Variants in KLHL22 observed in about 807,000 individuals in gnomAD.
KLHL22 encodes the protein kelch like family member 22.
In KLHL22, 18 loss-of-function variants were observed where a neutral mutation model predicts 60.7. The ratio of observed to expected loss-of-function variants is 0.30; its 90% CI spans 0.20 to 0.44. The LOEUF is 0.44. KLHL22 is among the 20% of genes least tolerant of loss of function. The pLI is 1.00. For synonymous variants in KLHL22, 355 were observed against 354.5 expected (o/e 1.00, Z -0.01); for missense variants, 596 against 852.3 (o/e 0.70, Z 3.74).
chr22:20,483,253 T>G (rs1337133015), intron 2 of KLHL22: 4 of 697,048 alleles, frequency 5.7e-6, no homozygotes, highest in Non-Finnish European at 1.1e-5. Context: ...CTCAGTGGAC[T>G]GCATGGTGAC....
chr22:20,470,653 A>G (rs955408078), intron 3 of KLHL22, among the ~76,000 whole-genome samples: 1 of 152,030 alleles, frequency 6.6e-6, no homozygotes, highest in African/African-American at 2.4e-5. Flanking sequence ...TGTCTCCAAT[A>G]AATTGAATGA....
chr22:20,488,937 C>A, intron 2 of KLHL22, 48 bp downstream of exon 2: 1 of 1,570,774 alleles, frequency 6.4e-7, no homozygotes, highest in Non-Finnish European at 8.7e-7. Flanking sequence ...CTAGCAGAGC[C>A]AGGATTACCT....
rs550081080 is a variant in KLHL22, at chr22:20,450,084, T to C, written c.1306-3408A>G. ...TGGGATCAGAAGCAGAGTTGCAGAA[T>C]CCAAGGACCTATTTTTGTTCTTTCT... On this transcript the variant is annotated intron_variant, in intron 5 of 6. Transcript: ENST00000328879. 2.3e-4 allele frequency: 173 copies of C among 749,282 alleles called. 4 individuals are homozygous for C. In the South Asian group the frequency reaches 2.4e-3, roughly 10 times the overall value. The allele number at this position is 749,282 out of a possible 1,614,324, so 46.4% of individuals were successfully genotyped here.
intron 2 of KLHL22, among the ~76,000 whole-genome samples, chr22:20,473,663 G>T (rs953631559): frequency 1.3e-5 from 2 of 152,306 alleles, no homozygotes; most frequent in East Asian, 1.9e-4. Context: ...ATCATCTGAG[G>T]TTGGGAGTTC....
At chr22:20,455,517 G>C (rs1442745347) in intron 5 of KLHL22, among the ~76,000 whole-genome samples, 6 of 152,180 alleles carry the variant, frequency 3.9e-5, no homozygotes, top group Non-Finnish European at 1.5e-5. Flanking sequence ...ACTCCAGGTT[G>C]GCCTCAGCCC....
At chr22:20,464,778 CTGA>C in intron 4 of KLHL22, 77 bp downstream of exon 4, 1 of 869,294 alleles carries the variant, frequency 1.2e-6, no homozygotes, top group African/African-American at 1.7e-5. Context: ...TGGGGGGAAC[CTGA>C]CCAGCTCTCT....
At chr22:20,466,364 A>G (rs1260208355) in intron 3 of KLHL22, among the ~76,000 whole-genome samples, 1 of 117,316 alleles carries the variant, frequency 8.5e-6, no homozygotes, top group African/African-American at 3.3e-5. Context: ...ACAGAGCGAG[A>G]CTCCGTCTAA....
At chr22:20,456,887 T>C (rs1462829441) in intron 5 of KLHL22, among the ~76,000 whole-genome samples, 1 of 152,196 alleles carries the variant, frequency 6.6e-6, no homozygotes, top group Non-Finnish European at 1.5e-5. Flanking sequence ...GAGCTCTTGC[T>C]AAACTCCCTG....
At chr22:20,483,004 G>A (rs576198705) in intron 2 of KLHL22, 89 of 699,066 alleles carry the variant, frequency 1.3e-4, no homozygotes, top group African/African-American at 7.6e-4. Context: ...TGACCTTAAC[G>A]TTCACCAGGG....
At chr22:20,455,811 G>A (rs2053054657) in intron 5 of KLHL22, among the ~76,000 whole-genome samples, 1 of 152,206 alleles carries the variant, frequency 6.6e-6, no homozygotes, top group African/African-American at 2.4e-5. Flanking sequence ...GAGCCACAGT[G>A]CATGCGCTGC....
intron 1 of KLHL22, among the ~76,000 whole-genome samples, chr22:20,494,483 C>G (rs1442987105): frequency 6.6e-6 from 1 of 152,088 alleles, no homozygotes; most frequent in Non-Finnish European, 1.5e-5. Context: ...TGGGTTCAAG[C>G]GATTCTCCTA....
At chr22:20,480,727 A>G (rs2053484609) in intron 2 of KLHL22, among the ~76,000 whole-genome samples, 1 of 152,142 alleles carries the variant, frequency 6.6e-6, no homozygotes, top group African/African-American at 2.4e-5. Flanking sequence ...ATGCCCCCCA[A>G]AAAAGTATAA....
At chr22:20,479,237 T>G (rs536789884) in intron 2 of KLHL22, among the ~76,000 whole-genome samples, 31 of 152,050 alleles carry the variant, frequency 2.0e-4, no homozygotes, top group African/African-American at 7.5e-4. Flanking sequence ...TGCACCATCA[T>G]GCCTGGCCAA....
chr22:20,453,492 C>T (rs1277979931), intron 5 of KLHL22, among the ~76,000 whole-genome samples: 2 of 152,114 alleles, frequency 1.3e-5, no homozygotes, highest in Non-Finnish European at 2.9e-5. Context: ...GTGGGTTTTC[C>T]ATTCTGTTTC....
intron 3 of KLHL22, among the ~76,000 whole-genome samples, chr22:20,466,403 A>C (rs13055241): frequency 6.9e-6 from 1 of 144,864 alleles, no homozygotes; most frequent in East Asian, 2.0e-4. Flanking sequence ...AAAAAGAAGT[A>C]CTGGCTCTCC....
At chr22:20,462,058 A>G (rs1317403883) in intron 4 of KLHL22, among the ~76,000 whole-genome samples, 1 of 152,104 alleles carries the variant, frequency 6.6e-6, no homozygotes, top group East Asian at 1.9e-4. Context: ...AGATTGCACC[A>G]TTGCACTCCA....
intron 6 of KLHL22, among the ~76,000 whole-genome samples, chr22:20,444,561 C>G (rs2052823993): frequency 6.6e-6 from 1 of 152,146 alleles, no homozygotes; most frequent in South Asian, 2.1e-4. Flanking sequence ...GATGCAGACT[C>G]TGTTAGTCTG....
Position 20,477,768 on chromosome 22 carries a change from T to G in KLHL22, c.228-6253A>C, listed in dbSNP as rs139784627. ...ACATTTCTTTTTCATTTTTATGTTT[T>G]TAGAGACAGGGTTGCTACGTTGCTC... is the stretch of plus-strand genomic sequence containing the variant. On this transcript the variant is annotated intron_variant, in intron 2 of 6. Transcript: ENST00000328879. 2.2e-3 allele frequency among the ~76,000 whole-genome samples: 336 copies of G among 152,336 alleles called. 1 individual carries two copies. Among genetic ancestry groups the G allele is most frequent in the Middle Eastern group, 0.01 (3 of 294 alleles).
chr22:20,458,481 G>A (rs1404087903), intron 4 of KLHL22, among the ~76,000 whole-genome samples: 1 of 136,608 alleles, frequency 7.3e-6, no homozygotes, highest in Non-Finnish European at 1.6e-5. Flanking sequence ...TAGAGACAAG[G>A]TCTTGACACC....
Sources: gnomAD v4.1 joint callset for allele counts (sites outside exome capture counted in the v4.1 genomes callset) on GRCh38, gnomAD v4.1.1 for gene constraint, MANE v1.5 for transcripts, NCBI Gene and HGNC (gene_info 2026-07-23, HGNC 2026-07-21) for gene names.